Variants in CAMK1D observed in about 807,000 individuals in gnomAD.
The protein encoded by CAMK1D is calcium/calmodulin dependent protein kinase ID.
In CAMK1D, 9 loss-of-function variants were observed where a neutral mutation model predicts 47.7. The observed-to-expected ratio is 0.19, with a 90% CI of 0.11 to 0.33. The LOEUF (loss-of-function observed/expected upper bound fraction) is 0.33, where lower values mean the gene tolerates loss of function less well. CAMK1D is among the 10% of genes least tolerant of loss of function. The pLI is 1.00. For missense variants in CAMK1D, 291 were observed against 488.7 expected (o/e 0.60, Z 3.81); for synonymous variants, 184 against 184.9 (o/e 0.99, Z 0.04).
intron 2 of CAMK1D, among the ~76,000 whole-genome samples, chr10:12,592,816 C>T (rs889148911): frequency 6.6e-6 from 1 of 152,186 alleles, no homozygotes; most frequent in Non-Finnish European, 1.5e-5. Context: ...GCTACTTTCT[C>T]TTAGTCATGT....
intron 3 of CAMK1D, among the ~76,000 whole-genome samples, chr10:12,692,567 C>T (rs1832969347): frequency 6.6e-6 from 1 of 152,026 alleles, no homozygotes; most frequent in Admixed American, 6.6e-5. Flanking sequence ...ATTGAGAAGC[C>T]ATAAACAATA....
rs758978995 is a variant in CAMK1D at position 12,791,250 on chromosome 10, G to C, written c.641+17G>C. ...CTACATCTTGTAAGTACTGCCTGCT[G>C]CCTTGGGTTCTTCCTCTACCGGCCT... On this transcript the variant is annotated intron_variant, in intron 6 of 10. Coordinates refer to ENST00000619168, the MANE Select transcript of CAMK1D (RefSeq NM_153498.4). The C allele has an allele frequency of 6.2e-7, 1 of 1,610,574 alleles. No homozygotes were observed. The highest frequency in any genetic ancestry group is 8.5e-7 in the Non-Finnish European group (1 of 1,178,076).
chr10:12,474,551 T>A (rs1344870654), intron 1 of CAMK1D, among the ~76,000 whole-genome samples: 1 of 151,754 alleles, frequency 6.6e-6, no homozygotes, highest in East Asian at 1.9e-4. Flanking sequence ...AACATAAACT[T>A]TACCATTTTT....
chr10:12,384,994 A>T (rs187758169), intron 1 of CAMK1D, among the ~76,000 whole-genome samples: 1 of 152,370 alleles, frequency 6.6e-6, no homozygotes, highest in Non-Finnish European at 1.5e-5. Flanking sequence ...AAGAAGGTAC[A>T]TGAAAAGATG....
In CAMK1D at chr10:12,828,886, G is replaced by T; in HGVS notation, c.1157G>T (p.Ter386LeuextTer85). 1 of 1,608,820 alleles carries T rather than the reference G, an allele frequency of 6.2e-7. No homozygotes were observed. ...TVTAVHSGSK[*>L] is the part of the protein sequence containing the mutation. ...ACGGCAGTGCACTCTGGAAGCAAGT[G>T]ACTGGCCCTGGAGGTGGGGCCCGGG... The change falls in exon 11 of 11, where the codon TGA becomes TTA. Residue 386 changes from the stop codon to leucine, a stop_lost. Coordinates refer to ENST00000619168, the MANE Select transcript of CAMK1D (RefSeq NM_153498.4).
intron 1 of CAMK1D, among the ~76,000 whole-genome samples, chr10:12,387,622 T>G (rs1171942533): frequency 2.0e-5 from 3 of 149,744 alleles, no homozygotes; most frequent in Non-Finnish European, 4.4e-5. Flanking sequence ...CCCTCCCACT[T>G]CAGCCTCCTG....
intron 1 of CAMK1D, among the ~76,000 whole-genome samples, chr10:12,404,725 C>T (rs547237095): frequency 3.0e-4 from 45 of 150,292 alleles, no homozygotes; most frequent in African/African-American, 1.1e-3. Flanking sequence ...GATGGAGTCT[C>T]ACTCTGTCAC....
chr10:12,521,621 G>A (rs976997348), intron 1 of CAMK1D, among the ~76,000 whole-genome samples: 2 of 152,146 alleles, frequency 1.3e-5, no homozygotes, highest in Non-Finnish European at 2.9e-5. Context: ...ATAGTATCAT[G>A]CAGGACTTCT....
chr10:12,512,205 C>G (rs1157585774), intron 1 of CAMK1D, among the ~76,000 whole-genome samples: 1 of 152,134 alleles, frequency 6.6e-6, no homozygotes, highest in African/African-American at 2.4e-5. Context: ...GTCAGCTCAT[C>G]AAAACATTTA....
rs779186544 is a variant in CAMK1D at position 12,689,715 on chromosome 10, G to A, written c.299+22905G>A. On this transcript the variant is annotated intron_variant, in intron 3 of 10. Transcript: ENST00000619168. Reference sequence around the variant, plus strand: ...CGCTTGAACCCAGGAGGTGGAGGTTGCGTTGAGCCGAGATCATACCATTGT... The same window carrying A: ...CGCTTGAACCCAGGAGGTGGAGGTTACGTTGAGCCGAGATCATACCATTGT... 5.9e-5 allele frequency among the ~76,000 whole-genome samples: 9 copies of A among 151,968 alleles called. 1 individual carries two copies. The highest frequency in any genetic ancestry group is 3.4e-3 in the Middle Eastern group (1 of 294).
At chr10:12,612,772 A>G (rs1447208130) in intron 2 of CAMK1D, among the ~76,000 whole-genome samples, 1 of 152,144 alleles carries the variant, frequency 6.6e-6, no homozygotes, top group East Asian at 1.9e-4. Flanking sequence ...GTTTTTCAAA[A>G]CACCTAGAGA....
intron 2 of CAMK1D, among the ~76,000 whole-genome samples, chr10:12,616,584 C>G (rs1456750949): frequency 3.3e-5 from 5 of 151,350 alleles, no homozygotes; most frequent in African/African-American, 9.7e-5. Context: ...GTGGTGTGAT[C>G]TCGGCTCACT....
intron 1 of CAMK1D, among the ~76,000 whole-genome samples, chr10:12,413,231 T>C (rs1391252187): frequency 1.3e-5 from 2 of 152,012 alleles, no homozygotes; most frequent in African/African-American, 4.8e-5. Flanking sequence ...GCACGTTACA[T>C]GGTGAAAGCA....
At position 12,751,974 on chromosome 10, in the gene CAMK1D, T is replaced by C. The variant is rs1836008096; in HGVS notation, c.300-8974T>C. 2.6e-5 allele frequency among the ~76,000 whole-genome samples: 4 copies of C among 152,094 alleles called. 1 individual carries two copies. In the South Asian group the frequency reaches 8.3e-4, roughly 32 times the overall value. ...TCTTTCAAAGGCATTGTTGGGTCTT[T>C]CTTGGATTATCTTTTTTTTTTTTTT... On this transcript the variant is annotated intron_variant, in intron 3 of 10. Coordinates refer to ENST00000619168, the MANE Select transcript of CAMK1D (RefSeq NM_153498.4).
At chr10:12,761,801 G>A (rs9787707) in intron 4 of CAMK1D, among the ~76,000 whole-genome samples, 1,700 of 152,256 alleles carry the variant, frequency 0.011, 44 homozygotes, top group East Asian at 0.087. Context: ...CAGGAGAATC[G>A]TTTGAACCCA....
intron 3 of CAMK1D, among the ~76,000 whole-genome samples, chr10:12,741,449 C>T (rs1288863184): frequency 1.3e-5 from 2 of 152,214 alleles, no homozygotes; most frequent in African/African-American, 4.8e-5. Flanking sequence ...ACAGCGAGGG[C>T]CGCCCTCTTG....
intron 3 of CAMK1D, among the ~76,000 whole-genome samples, chr10:12,677,571 G>T (rs1840854271): frequency 6.6e-6 from 1 of 152,130 alleles, no homozygotes; most frequent in Non-Finnish European, 1.5e-5. Flanking sequence ...CACCTTAAAT[G>T]GAGGGTGATT....
At chr10:12,465,599 C>T (rs948645364) in intron 1 of CAMK1D, among the ~76,000 whole-genome samples, 1 of 152,230 alleles carries the variant, frequency 6.6e-6, no homozygotes, top group Non-Finnish European at 1.5e-5. Context: ...AAGTGATCCA[C>T]CCACCTTGGC....
At chr10:12,741,399 T>A (rs1424113408) in intron 3 of CAMK1D, among the ~76,000 whole-genome samples, 2 of 152,238 alleles carry the variant, frequency 1.3e-5, no homozygotes, top group Non-Finnish European at 2.9e-5. Context: ...AGAAAGGCAC[T>A]GACCACGCTG....
Sources: gnomAD v4.1 joint callset for allele counts (sites outside exome capture counted in the v4.1 genomes callset) on GRCh38, gnomAD v4.1.1 for gene constraint, MANE v1.5 for transcripts, NCBI Gene and HGNC (gene_info 2026-07-23, HGNC 2026-07-21) for gene names.